Variants in MSMP observed in about 807,000 individuals in gnomAD.
MSMP encodes prostate-associated microseminoprotein.
Under a neutral mutation model 15.8 loss-of-function variants are expected in MSMP, and 9 were observed. That is an observed-to-expected ratio of 0.57 (90% confidence interval 0.34 to 0.99). The LOEUF (loss-of-function observed/expected upper bound fraction) is 0.99. Ranked by LOEUF, MSMP falls within the 50% of genes least tolerant of loss-of-function variation. The pLI, the probability that MSMP is intolerant of heterozygous loss-of-function variation, is 0.02. For missense variants in MSMP, 170 were observed against 173.4 expected (o/e 0.98, Z 0.11); for synonymous variants, 64 against 64.4 (o/e 0.99, Z 0.03).
In MSMP at chr9:35,753,581, C is replaced by T; in HGVS notation, c.239+79G>A. 5 of 1,211,740 alleles carry T rather than the reference C, an allele frequency of 4.1e-6. No individual in the cohort carries two copies. Among genetic ancestry groups the T allele is most frequent in the Non-Finnish European group, 6.0e-6 (5 of 839,242 alleles). 75.1% of individuals were successfully genotyped at this position (1,211,740 alleles called of 1,614,324 possible). A position where few individuals can be genotyped will look rare whatever the true frequency, so the allele number is the denominator to read the frequency against. ...TGCTCTTCTGTTCATTCTTACATCA[C>T]AGCAATCTAGTCACTCCCTGGTCAT... On this transcript the variant is annotated intron_variant, in intron 2 of 2. Coordinates refer to ENST00000436428, the MANE Select transcript of MSMP (RefSeq NM_001044264.3). The surrounding 1 kb of genome is among the most constrained non-coding windows in gnomAD (Gnocchi z 4.2).
At position 35,753,560 on chromosome 9, in the gene MSMP, C is replaced by A; in HGVS notation, c.239+100G>T. The A allele has an allele frequency of 9.6e-7, 1 of 1,043,296 alleles. No homozygotes were observed. Among genetic ancestry groups the A allele is most frequent in the South Asian group, 1.5e-5 (1 of 66,778 alleles). 64.6% of individuals were successfully genotyped at this position (1,043,296 alleles called of 1,614,324 possible). A position where few individuals can be genotyped will look rare whatever the true frequency, so the allele number is the denominator to read the frequency against. On this transcript the variant is annotated intron_variant, in intron 2 of 2. Coordinates refer to ENST00000436428, the MANE Select transcript of MSMP (RefSeq NM_001044264.3). This position sits in a 1 kb window ranked among gnomAD's most constrained non-coding sequence, Gnocchi z 4.2. ...CAGGTTTGGCCCATCTTGTATTGCT[C>A]TTCTGTTCATTCTTACATCACAGCA...
chr9:35,753,756 T>TAGTG lies in MSMP; in HGVS notation c.139_142dup (p.Tyr48SerfsTer3). On this transcript the variant is annotated frameshift_variant, in exon 2 of 3. Coordinates refer to ENST00000436428, the MANE Select transcript of MSMP (RefSeq NM_001044264.3). LOFTEE classifies it high-confidence loss of function. The surrounding 1 kb of genome is among the most constrained non-coding windows in gnomAD (Gnocchi z 4.2). ...ACCCAGGGTAAAATATTTCCCCTCA[T>TAGTG]AGTGACAGGGGGCTAGGGAAGAACG... 6.2e-7 allele frequency: 1 copy of TAGTG among 1,613,612 alleles called. No individual in the cohort carries two copies. The highest frequency in any genetic ancestry group is 8.5e-7 in the Non-Finnish European group (1 of 1,179,542).
In MSMP at chr9:35,753,230, G is replaced by A; in HGVS notation, c.290C>T (p.Ala97Val). The change falls in exon 3 of 3, where the codon GCA becomes GTA. Residue 97 changes from alanine (A) to valine (V), a missense_variant. Ala to Val is a moderately conservative substitution (Grantham distance 64). Coordinates refer to ENST00000436428, the MANE Select transcript of MSMP (RefSeq NM_001044264.3). The surrounding 1 kb of genome is among the most constrained non-coding windows in gnomAD (Gnocchi z 4.2). ...FPAGCEVRQEAGTCQFSLVQK... is the reference protein window; with the variant it reads ...FPAGCEVRQEVGTCQFSLVQK... ...CACCAAGGAGAACTGGCAGGTTCCT[G>A]CCTCCTGACGTACCTCACACCCAGC... 2 of 1,614,162 alleles carry A rather than the reference G, an allele frequency of 1.2e-6. No individual in the cohort carries two copies. Among genetic ancestry groups the A allele is most frequent in the Non-Finnish European group, 1.7e-6 (2 of 1,180,022 alleles).
In MSMP at chr9:35,753,665, A is replaced by G. The variant is rs775475769; in HGVS notation, c.234T>C (p.Cys78=). 6.2e-7 allele frequency: 1 copy of G among 1,613,608 alleles called. No homozygotes were observed. Among genetic ancestry groups the G allele is most frequent in the East Asian group, 2.2e-5 (1 of 44,888 alleles). Reference sequence around the variant, plus strand: ...GGCCATCTTTGGTCACTCACGTGTCACAGCAGCCCACGCCAACAGGATGCA... The same window carrying G: ...GGCCATCTTTGGTCACTCACGTGTCGCAGCAGCCCACGCCAACAGGATGCA... The part of the protein sequence containing the change: ...TCLHPVGVGC[C]DTSQHPIDFP... Residue 78 remains cysteine, a synonymous_variant, in exon 2 of 3, where the codon TGT becomes TGC. Transcript: ENST00000436428. This position sits in a 1 kb window ranked among gnomAD's most constrained non-coding sequence, Gnocchi z 4.2.
At position 35,753,925 on chromosome 9, in the gene MSMP, G is replaced by A. The variant is rs1735515592; in HGVS notation, c.130+75C>T. 6.4e-7 allele frequency: 1 copy of A among 1,563,636 alleles called. No homozygotes were observed. Among genetic ancestry groups the A allele is most frequent in the African/African-American group, 1.4e-5 (1 of 73,866 alleles). ...AGGAAGCCTGGGTATTTTGACACGG[G>A]ATCATCTGTAAGGCCCCATCCTCCC... On this transcript the variant is annotated intron_variant, in intron 1 of 2. Transcript: ENST00000436428. This position sits in a 1 kb window ranked among gnomAD's most constrained non-coding sequence, Gnocchi z 4.2.
rs1827304900 is a variant in MSMP, at chr9:35,753,378, C to G, written c.240-98G>C. On this transcript the variant is annotated intron_variant, in intron 2 of 2. Transcript: ENST00000436428. This position sits in a 1 kb window ranked among gnomAD's most constrained non-coding sequence, Gnocchi z 4.2. ...CTCTCACAGTTTTCCCCCCACAGAG[C>G]CCCTTTCAGTGGCCCCTTGGTCCTC... The G allele has an allele frequency of 1.5e-6, 2 of 1,376,310 alleles. No homozygotes were observed. Among genetic ancestry groups the G allele is most frequent in the Non-Finnish European group, 2.0e-6 (2 of 1,012,102 alleles). 85.3% of individuals were successfully genotyped at this position (1,376,310 alleles called of 1,614,324 possible).
At position 35,753,944 on chromosome 9, in the gene MSMP, T is replaced by A; in HGVS notation, c.130+56A>T. ...ACACGGGATCATCTGTAAGGCCCCATCCTCCCTGTGCCCTCTCTGCTGCTC... is the reference window on the plus strand; with the variant it reads ...ACACGGGATCATCTGTAAGGCCCCAACCTCCCTGTGCCCTCTCTGCTGCTC... On this transcript the variant is annotated intron_variant, in intron 1 of 2. Transcript: ENST00000436428. The surrounding 1 kb of genome is among the most constrained non-coding windows in gnomAD (Gnocchi z 4.2). The A allele has an allele frequency of 4.4e-6, 7 of 1,580,300 alleles. No homozygotes were observed. Among genetic ancestry groups the A allele is most frequent in the Non-Finnish European group, 6.0e-6 (7 of 1,159,942 alleles).
At position 35,753,048 on chromosome 9, in the gene MSMP, C is replaced by T. The variant is rs1827295146; in HGVS notation, c.*52G>A. ...TACATTGGCAGCTGCTAGTGGTTTC[C>T]CTGGAAGTGGCAGCAGCAGTGAGCA... On this transcript the variant is annotated 3_prime_UTR_variant, in exon 3 of 3. Transcript: ENST00000436428. The surrounding 1 kb of genome is among the most constrained non-coding windows in gnomAD (Gnocchi z 4.2). 6.9e-6 allele frequency: 11 copies of T among 1,595,738 alleles called. No individual in the cohort carries two copies. In the Middle Eastern group the frequency reaches 5.1e-4, roughly 74 times the overall value.
chr9:35,753,256 C>G lies in MSMP; in HGVS notation c.264G>C (p.Pro88=), dbSNP rs370349002. ...CDTSQHPIDF[P]AGCEVRQEAG... ...CCTCCTGACGTACCTCACACCCAGC[C>G]GGGAAGTCGATGGGATGCTGGGACC... is the stretch of plus-strand genomic sequence containing the variant. Residue 88 remains proline (P), a synonymous_variant, in exon 3 of 3, where the codon CCG becomes CCC. Transcript: ENST00000436428. The surrounding 1 kb of genome is among the most constrained non-coding windows in gnomAD (Gnocchi z 4.2). 6.2e-7 allele frequency: 1 copy of G among 1,613,930 alleles called. No individual in the cohort carries two copies. The highest frequency in any genetic ancestry group is 8.5e-7 in the Non-Finnish European group (1 of 1,179,992).
Position 35,753,957 on chromosome 9 carries a change from C to A in MSMP, c.130+43G>T, listed in dbSNP as rs557974712. Reference sequence around the variant, plus strand: ...TGTAAGGCCCCATCCTCCCTGTGCCCTCTCTGCTGCTCCTCCATTCCTAAC... The same window carrying A: ...TGTAAGGCCCCATCCTCCCTGTGCCATCTCTGCTGCTCCTCCATTCCTAAC... On this transcript the variant is annotated intron_variant, in intron 1 of 2. Transcript: ENST00000436428. The surrounding 1 kb of genome is among the most constrained non-coding windows in gnomAD (Gnocchi z 4.2). 1 of 1,590,816 alleles carries A rather than the reference C, an allele frequency of 6.3e-7. No homozygotes were observed. The highest frequency in any genetic ancestry group is 2.2e-5 in the East Asian group (1 of 44,566).
Position 35,753,148 on chromosome 9 carries a change from G to T in MSMP, c.372C>A (p.Gly124=), listed in dbSNP as rs776254574. 1.2e-5 allele frequency: 19 copies of T among 1,614,212 alleles called. No individual in the cohort carries two copies. The Middle Eastern group carries it at 6.6e-4, about 56-fold the overall frequency. The change falls in exon 3 of 3, where the codon GGC becomes GGA. Residue 124 remains glycine (G), a synonymous_variant. Transcript: ENST00000436428. This position sits in a 1 kb window ranked among gnomAD's most constrained non-coding sequence, Gnocchi z 4.2. ...CKGGGPDPEW[G]SANTPVPGAP... The stretch of plus-strand genomic sequence containing the variant: ...CCCCAGGAACAGGGGTGTTGGCTGA[G>T]CCCCATTCTGGGTCAGGCCCTCCCC...
chr9:35,753,527 G>T lies in MSMP; in HGVS notation c.239+133C>A. The T allele has an allele frequency of 2.5e-6, 2 of 816,156 alleles. No individual in the cohort carries two copies. The highest frequency in any genetic ancestry group is 4.0e-6 in the Non-Finnish European group (2 of 505,836). 50.6% of individuals were successfully genotyped at this position (816,156 alleles called of 1,614,324 possible). A position where few individuals can be genotyped will look rare whatever the true frequency, so the allele number is the denominator to read the frequency against. On this transcript the variant is annotated intron_variant, in intron 2 of 2. Transcript: ENST00000436428. This position sits in a 1 kb window ranked among gnomAD's most constrained non-coding sequence, Gnocchi z 4.2. ...AAGCCTTATCTTTCACACTAGTGTTGGTCCCTTCAGGTTTGGCCCATCTTG... is the reference window on the plus strand; with the variant it reads ...AAGCCTTATCTTTCACACTAGTGTTTGTCCCTTCAGGTTTGGCCCATCTTG...
chr9:35,754,048 G>C lies in MSMP; in HGVS notation c.82C>G (p.Leu28Val), dbSNP rs1232953353. 8.1e-6 allele frequency: 13 copies of C among 1,613,774 alleles called. No homozygotes were observed. The highest frequency in any genetic ancestry group is 1.0e-5 in the Non-Finnish European group (12 of 1,179,876). The change falls in exon 1 of 3, where the codon CTC becomes GTC. Residue 28 changes from leucine (L) to valine (V), a missense_variant. By Grantham distance (32) the Leu-to-Val change is conservative. Coordinates refer to ENST00000436428, the MANE Select transcript of MSMP (RefSeq NM_001044264.3). ...WGIICLVMSL[L>V]LQHPGVYSKC... ...CTGTAGACTCCTGGGTGCTGGAGGA[G>C]TAGAGACATCACCAAGCAGATGATC...
chr9:35,753,173 C>T lies in MSMP; in HGVS notation c.347G>A (p.Gly116Glu), dbSNP rs3750436. The T allele has an allele frequency of 1.9e-5, 30 of 1,614,058 alleles. No individual in the cohort carries two copies. Among genetic ancestry groups the T allele is most frequent in the Middle Eastern group, 1.6e-4 (1 of 6,082 alleles). Residue 116 changes from glycine (G) to glutamate (E), a missense_variant, in exon 3 of 3, where the codon GGG becomes GAG. By Grantham distance (98) the Gly-to-Glu change is moderately conservative. Coordinates refer to ENST00000436428, the MANE Select transcript of MSMP (RefSeq NM_001044264.3). The surrounding 1 kb of genome is among the most constrained non-coding windows in gnomAD (Gnocchi z 4.2). ...GCCCCATTCTGGGTCAGGCCCTCCCCCTTTGCAGGGCAGCCGAGGGTCAGA... is the reference window on the plus strand; with the variant it reads ...GCCCCATTCTGGGTCAGGCCCTCCCTCTTTGCAGGGCAGCCGAGGGTCAGA... ...QKSDPRLPCK[G>E]GGPDPEWGSA... is the part of the protein sequence containing the mutation.
At position 35,753,706 on chromosome 9, in the gene MSMP, AAC is replaced by A; in HGVS notation, c.191_192del (p.Cys64PhefsTer15). ...TLGESWLRKD[C>X]FHCTCLHPVG... is the part of the protein sequence containing the mutation. ...ACAGGATGCAGACAGGTGCAATGGA[AAC>A]AGTCCTTGCGGAGCCAAGACTCACC... On this transcript the variant is annotated frameshift_variant, in exon 2 of 3. Transcript: ENST00000436428. LOFTEE classifies it high-confidence loss of function. The surrounding 1 kb of genome is among the most constrained non-coding windows in gnomAD (Gnocchi z 4.2). 6.2e-7 allele frequency: 1 copy of A among 1,614,130 alleles called. No individual in the cohort carries two copies. Among genetic ancestry groups the A allele is most frequent in the Non-Finnish European group, 8.5e-7 (1 of 1,180,024 alleles).
chr9:35,754,175 T>G lies in MSMP; in HGVS notation c.-46A>C, dbSNP rs2132037558. The stretch of plus-strand genomic sequence containing the variant: ...AGACCCTTCTTGGCCTCTGCTCAGC[T>G]ACTCTGGTCTTGACTCCTTGACTTT... On this transcript the variant is annotated 5_prime_UTR_variant, in exon 1 of 3. Coordinates refer to ENST00000436428, the MANE Select transcript of MSMP (RefSeq NM_001044264.3). 1 of 1,581,744 alleles carries G rather than the reference T, an allele frequency of 6.3e-7. No homozygotes were observed. Among genetic ancestry groups the G allele is most frequent in the Non-Finnish European group, 8.6e-7 (1 of 1,162,452 alleles).
Position 35,753,584 on chromosome 9 carries a change from C to A in MSMP, c.239+76G>T. ...TCTTCTGTTCATTCTTACATCACAG[C>A]AATCTAGTCACTCCCTGGTCATCCC... is the stretch of plus-strand genomic sequence containing the variant. On this transcript the variant is annotated intron_variant, in intron 2 of 2. Coordinates refer to ENST00000436428, the MANE Select transcript of MSMP (RefSeq NM_001044264.3). The surrounding 1 kb of genome is among the most constrained non-coding windows in gnomAD (Gnocchi z 4.2). 8.1e-7 allele frequency: 1 copy of A among 1,236,888 alleles called. No individual in the cohort carries two copies. The highest frequency in any genetic ancestry group is 1.2e-6 in the Non-Finnish European group (1 of 860,644). 76.6% of individuals were successfully genotyped at this position (1,236,888 alleles called of 1,614,324 possible).
rs1827296268 is a variant in MSMP at position 35,753,110 on chromosome 9, T to A, written c.410A>T (p.His137Leu). Residue 137 changes from histidine (H) to leucine (L), a missense_variant, in exon 3 of 3, where the codon CAC becomes CTC. His to Leu is a moderately conservative substitution (Grantham distance 99). Transcript: ENST00000436428. This position sits in a 1 kb window ranked among gnomAD's most constrained non-coding sequence, Gnocchi z 4.2. ...GATGATCAGTTGAGTTTAGCTGGAG[T>A]GGGGAGCAGGAGCCCCAGGAACAGG... ...NTPVPGAPAPHSS is the reference protein window; with the variant it reads ...NTPVPGAPAPLSS 1.2e-6 allele frequency: 2 copies of A among 1,613,704 alleles called. No homozygotes were observed. The highest frequency in any genetic ancestry group is 2.2e-5 in the East Asian group (1 of 44,876).
rs1438081963 is a variant in MSMP, at chr9:35,753,755, A to G, written c.144T>C (p.Tyr48=). Residue 48 remains tyrosine, a synonymous_variant, in exon 2 of 3, where the codon TAT becomes TAC. Coordinates refer to ENST00000436428, the MANE Select transcript of MSMP (RefSeq NM_001044264.3). The surrounding 1 kb of genome is among the most constrained non-coding windows in gnomAD (Gnocchi z 4.2). ...CYFQAQAPCH[Y]EGKYFTLGES... ...CACCCAGGGTAAAATATTTCCCCTCATAGTGACAGGGGGCTAGGGAAGAAC... is the reference window on the plus strand; with the variant it reads ...CACCCAGGGTAAAATATTTCCCCTCGTAGTGACAGGGGGCTAGGGAAGAAC... 3 of 1,613,500 alleles carry G rather than the reference A, an allele frequency of 1.9e-6. No homozygotes were observed. The highest frequency in any genetic ancestry group is 1.7e-6 in the Non-Finnish European group (2 of 1,179,528).
Sources: gnomAD v4.1 joint callset for allele counts on GRCh38, gnomAD v4.1.1 for gene constraint, Gnocchi (gnomAD v3.1) non-coding constraint, MANE v1.5 for transcripts, NCBI Gene and HGNC (gene_info 2026-07-23, HGNC 2026-07-21) for gene names.